The following RGPD3 variants were observed in gnomAD, a reference collection of about 807,000 sequenced individuals.
The protein encoded by RGPD3 is RANBP2 like and GRIP domain containing 3.
RGPD3 carries 62 observed loss-of-function variants against 154.5 expected under a neutral mutation model. That is an observed-to-expected ratio of 0.40 (90% CI 0.33 to 0.50). The LOEUF (loss-of-function observed/expected upper bound fraction) is 0.50. Among genes scored for constraint, RGPD3 ranks in the 20% least tolerant of loss-of-function variants. The pLI is 0.59. For missense variants in RGPD3, 919 were observed against 1,716.8 expected (o/e 0.54, Z 8.21); for synonymous variants, 308 against 607.0 (o/e 0.51, Z 7.24).
chr2:106,425,038 T>C lies in RGPD3; in HGVS notation c.2929A>G (p.Lys977Glu), dbSNP rs763190044. The C allele has an allele frequency of 1.2e-6, 2 of 1,611,970 alleles. No homozygotes were observed. The highest frequency in any genetic ancestry group is 4.5e-5 in the East Asian group (2 of 44,866). ...TGAAATCCTTCTCCTGAAGTTGATTTTGCAACATCTGCAAATGTAAAAGTG... is the reference window on the plus strand; with the variant it reads ...TGAAATCCTTCTCCTGAAGTTGATTCTGCAACATCTGCAAATGTAAAAGTG... ...SSTFTFADVA[K>E]STSGEGFQFG... is the part of the protein sequence containing the mutation. The change falls in exon 20 of 23, where the codon AAA (lysine) becomes GAA (glutamate). Residue 977 changes from lysine to glutamate, a missense_variant. Coordinates refer to ENST00000409886, the MANE Select transcript of RGPD3 (RefSeq NM_001144013.2).
chr2:106,467,638 C>A (rs1397768339), intron 1 of RGPD3, among the ~76,000 whole-genome samples: 41 of 111,490 alleles, frequency 3.7e-4, no homozygotes, highest in African/African-American at 3.9e-4. Context: ...CAGCCGCCTC[C>A]ACAGAGCGCG....
At position 106,434,283 on chromosome 2, in the gene RGPD3, C is replaced by G. The variant is rs747320349; in HGVS notation, c.2150G>C (p.Gly717Ala). Residue 717 changes from glycine to alanine, a missense_variant, in exon 15 of 23, where the codon GGC becomes GCC. By Grantham distance (60) the Gly-to-Ala change is moderately conservative. Coordinates refer to ENST00000409886, the MANE Select transcript of RGPD3 (RefSeq NM_001144013.2). Reference sequence around the variant, plus strand: ...GTCATCTAAAATCTTTATTAGGTAGCCCCTGGTCTTTCTCAGATAATTTTT... The same window carrying G: ...GTCATCTAAAATCTTTATTAGGTAGGCCCTGGTCTTTCTCAGATAATTTTT... ...ECKNYLRKTR[G>A]YLIKILDDSD... 5 of 1,603,962 alleles carry G rather than the reference C, an allele frequency of 3.1e-6. No homozygotes were observed. In the East Asian group the frequency reaches 1.1e-4, roughly 36 times the overall value.
chr2:106,439,880 A>G (rs1003531550), intron 8 of RGPD3, among the ~76,000 whole-genome samples: 1 of 142,802 alleles, frequency 7.0e-6, no homozygotes. Context: ...AAAAAAAAAA[A>G]AGAATTATTT....
chr2:106,446,430 T>TGTG, intron 7 of RGPD3, among the ~76,000 whole-genome samples: 1 of 145,190 alleles, frequency 6.9e-6, no homozygotes, highest in Admixed American at 6.9e-5. Context: ...ATTAGCCAGG[T>TGTG]GTGGTGGCGG....
At chr2:106,458,726 C>A in intron 2 of RGPD3, among the ~76,000 whole-genome samples, 1 of 36,164 alleles carries the variant, frequency 2.8e-5, no homozygotes, top group South Asian at 3.1e-3. Context: ...CAGATACTGC[C>A]TAAAAAAAAA....
intron 20 of RGPD3, among the ~76,000 whole-genome samples, chr2:106,420,673 C>A (rs574851219): frequency 6.6e-6 from 1 of 152,304 alleles, no homozygotes; most frequent in South Asian, 2.1e-4. Context: ...ATATTCTGGA[C>A]ATAATGAGTT....
upstream of RGPD3, chr2:106,470,911 G>C (rs889922285): frequency 2.2e-5 from 34 of 1,577,166 alleles, 1 homozygote; most frequent in African/African-American, 4.4e-4. Flanking sequence ...GGAGCTGGCA[G>C]TCCAGGAATA....
At chr2:106,451,317 T>C (rs1235679547) in intron 6 of RGPD3, among the ~76,000 whole-genome samples, 5 of 151,766 alleles carry the variant, frequency 3.3e-5, no homozygotes, top group African/African-American at 7.3e-5. Flanking sequence ...CTATGTACTT[T>C]TTCAAGAAAA....
chr2:106,450,105 C>T (rs1310334993), intron 6 of RGPD3, among the ~76,000 whole-genome samples: 32 of 142,388 alleles, frequency 2.2e-4, no homozygotes, highest in African/African-American at 7.9e-4. Flanking sequence ...GTGGGCTGGG[C>T]GCGGTGGCTC....
At chr2:106,413,554 T>C (rs1676735390) in intron 21 of RGPD3, among the ~76,000 whole-genome samples, 1 of 152,218 alleles carries the variant, frequency 6.6e-6, no homozygotes, top group Non-Finnish European at 1.5e-5. Flanking sequence ...GAAAGTGGAT[T>C]GCTGCATATG....
In RGPD3 at chr2:106,468,296, C is replaced by T. The variant is rs761032147; in HGVS notation, c.-8G>A. On this transcript the variant is annotated 5_prime_UTR_variant, in exon 1 of 23. The change creates a new upstream start codon in the 5' untranslated region. Transcript: ENST00000409886. ...GGCCTTGCTGCAACTCATCGCGCCA[C>T]CAACCTGGCTCCCGAGATGCGTGAG... 27 of 1,603,246 alleles carry T rather than the reference C, an allele frequency of 1.7e-5. 1 individual carries two copies. In the Admixed American group the frequency reaches 2.2e-4, roughly 13 times the overall value.
intron 6 of RGPD3, among the ~76,000 whole-genome samples, chr2:106,451,536 C>T (rs1420291662): frequency 6.6e-6 from 1 of 151,264 alleles, no homozygotes; most frequent in Non-Finnish European, 1.5e-5. Flanking sequence ...CAGCCACAGA[C>T]AATACATAAA....
upstream of RGPD3, among the ~76,000 whole-genome samples, chr2:106,469,580 T>C (rs1678759221): frequency 6.6e-6 from 1 of 152,214 alleles, no homozygotes; most frequent in Non-Finnish European, 1.5e-5. Context: ...CACATGTCCT[T>C]TAAATACAAA....
intron 8 of RGPD3, among the ~76,000 whole-genome samples, 184 bp downstream of exon 8, chr2:106,441,109 A>AT (rs748880151): frequency 4.0e-5 from 6 of 149,898 alleles, no homozygotes; most frequent in South Asian, 2.2e-4. Flanking sequence ...TCAAATATTC[A>AT]TTTTTTTTAA....
chr2:106,469,496 T>G (rs1678756084), upstream of RGPD3, among the ~76,000 whole-genome samples: 1 of 152,220 alleles, frequency 6.6e-6, no homozygotes, highest in Admixed American at 6.5e-5. Context: ...AAAAATATAA[T>G]GAAGACATAG....
At chr2:106,426,409 T>A (rs971733063) in intron 18 of RGPD3, among the ~76,000 whole-genome samples, 1 of 152,120 alleles carries the variant, frequency 6.6e-6, no homozygotes, top group African/African-American at 2.4e-5. Flanking sequence ...TGTGGAATTA[T>A]GGACATTCAG....
At position 106,468,248 on chromosome 2, in the gene RGPD3, G is replaced by T. The variant is rs753903388; in HGVS notation, c.41C>A (p.Ser14Ter). ...AGGCGACGGGGCGGAGCCCTGCACCGAGGCGACGTACCGCTCCCCGTAGGC... is the reference window on the plus strand; with the variant it reads ...AGGCGACGGGGCGGAGCCCTGCACCTAGGCGACGTACCGCTCCCCGTAGGC... ...SKAYGERYVA[S>*]VQGSAPSPRK... Residue 14 changes from serine to a stop codon, truncating the protein, a stop_gained, in exon 1 of 23, where the codon TCG becomes TAG. Transcript: ENST00000409886. LOFTEE classifies it high-confidence loss of function. 13 of 1,607,828 alleles carry T rather than the reference G, an allele frequency of 8.1e-6. No individual in the cohort carries two copies. In the East Asian group the frequency reaches 2.5e-4, roughly 30 times the overall value.
At chr2:106,412,841 G>C (rs1300479237) in intron 22 of RGPD3, 2 of 613,302 alleles carry the variant, frequency 3.3e-6, no homozygotes, top group Non-Finnish European at 5.9e-6. Flanking sequence ...AATTTTCAAA[G>C]AGCTAGAAGA....
intron 20 of RGPD3, among the ~76,000 whole-genome samples, chr2:106,421,080 C>A (rs2104453081): frequency 6.6e-6 from 1 of 152,274 alleles, no homozygotes; most frequent in East Asian, 1.9e-4. Flanking sequence ...CATTTCCTAG[C>A]TAGGAGAAAT....
Sources: allele counts gnomAD v4.1 joint callset (sites outside exome capture counted in the v4.1 genomes callset), GRCh38; gene constraint gnomAD v4.1.1; transcripts MANE v1.5; gene names NCBI Gene and HGNC (gene_info 2026-07-23, HGNC 2026-07-21).